The following ZFPM2 variants were observed in gnomAD, a reference collection of about 807,000 sequenced individuals.
ZFPM2 encodes zinc finger protein, FOG family member 2.
In ZFPM2, 20 loss-of-function variants were observed where a neutral mutation model predicts 98.6. The ratio of observed to expected loss-of-function variants is 0.20; its 90% CI spans 0.14 to 0.29. The LOEUF is 0.29. Ranked by LOEUF, ZFPM2 falls within the 10% of genes least tolerant of loss-of-function variation. The probability of loss-of-function intolerance (pLI) is 1.00; values close to 1 mark genes in which losing one functional copy is unlikely to be tolerated. For missense variants in ZFPM2, 1,310 were observed against 1,388.6 expected (o/e 0.94, Z 0.90); for synonymous variants, 518 against 502.7 (o/e 1.03, Z -0.41).
intron 1 of ZFPM2, among the ~76,000 whole-genome samples, chr8:105,404,589 C>A (rs1312603453): frequency 6.6e-6 from 1 of 152,052 alleles, no homozygotes; most frequent in Non-Finnish European, 1.5e-5. Context: ...CACTTCGAGT[C>A]ATGTTAAATA....
intron 4 of ZFPM2, among the ~76,000 whole-genome samples, chr8:105,624,258 A>C (rs1360315212): frequency 1.3e-5 from 2 of 152,210 alleles, no homozygotes; most frequent in Non-Finnish European, 2.9e-5. Flanking sequence ...GAGATTCAGC[A>C]CTGACACACT....
Position 105,318,461 on chromosome 8 carries a change from AGCG to A in ZFPM2, c.-468_-466del, listed in dbSNP as rs1191608535. ...GCAGAACAGGAGCTGCGCGGCCCGG[AGCG>A]GCGGCGGCGGCGCCGGAGTATCCGT... On this transcript the variant is annotated 5_prime_UTR_variant, in exon 1 of 8. Coordinates refer to ENST00000407775, the MANE Select transcript of ZFPM2 (RefSeq NM_012082.4). 6.7e-6 allele frequency among the ~76,000 whole-genome samples: 1 copy of A among 150,230 alleles called. No homozygotes were observed. Among genetic ancestry groups the A allele is most frequent in the Non-Finnish European group, 1.5e-5 (1 of 67,412 alleles).
intron 3 of ZFPM2, among the ~76,000 whole-genome samples, chr8:105,540,273 T>A (rs1814547612): frequency 6.6e-6 from 1 of 152,124 alleles, no homozygotes. Flanking sequence ...CAAGTAGTCT[T>A]CATGTTTATA....
intron 4 of ZFPM2, among the ~76,000 whole-genome samples, chr8:105,579,793 A>T (rs1815548658): frequency 6.6e-6 from 1 of 151,960 alleles, no homozygotes; most frequent in African/African-American, 2.4e-5. Flanking sequence ...CAAACTGATA[A>T]TTTTTTTTCA....
intron 2 of ZFPM2, among the ~76,000 whole-genome samples, chr8:105,425,287 G>T (rs1257117438): frequency 6.6e-6 from 1 of 152,148 alleles, no homozygotes; most frequent in Non-Finnish European, 1.5e-5. Context: ...GAGAAGAAAG[G>T]CCTGCAGAAA....
At chr8:105,756,232 A>T (rs1042271922) in intron 5 of ZFPM2, among the ~76,000 whole-genome samples, 1 of 151,896 alleles carries the variant, frequency 6.6e-6, no homozygotes, top group African/African-American at 2.4e-5. Flanking sequence ...ACAGGTAAAA[A>T]CCCTGTAGCC....
intron 3 of ZFPM2, among the ~76,000 whole-genome samples, chr8:105,477,526 A>G (rs928436124): frequency 3.3e-5 from 5 of 152,010 alleles, no homozygotes; most frequent in Non-Finnish European, 5.9e-5. Flanking sequence ...TACAGGTGTG[A>G]GCCACCGCGC....
intron 3 of ZFPM2, among the ~76,000 whole-genome samples, chr8:105,495,625 A>G (rs1246782204): frequency 6.6e-6 from 1 of 152,186 alleles, no homozygotes; most frequent in Non-Finnish European, 1.5e-5. Context: ...TTTTAAGGAT[A>G]TCTCTACTTC....
intron 3 of ZFPM2, among the ~76,000 whole-genome samples, chr8:105,453,275 C>G (rs1287152084): frequency 6.6e-6 from 1 of 152,036 alleles, no homozygotes; most frequent in East Asian, 1.9e-4. Flanking sequence ...TATGTTCTAC[C>G]AGAAATTGAA....
At chr8:105,757,746 T>C (rs1563551270) in intron 5 of ZFPM2, among the ~76,000 whole-genome samples, 2 of 152,252 alleles carry the variant, frequency 1.3e-5, no homozygotes, top group South Asian at 4.1e-4. Context: ...AGTGGGTTCT[T>C]TTTATTCTAC....
chr8:105,783,210 G>GTTTTTTTTTTTTTTTT (rs753557703), intron 5 of ZFPM2, among the ~76,000 whole-genome samples: 5 of 88,942 alleles, frequency 5.6e-5, no homozygotes, highest in Admixed American at 1.3e-4. Context: ...TTTCTTTATG[G>GTTTTTTTTTTTTTTTT]TTTTTTTTTT....
chr8:105,659,608 G>T (rs1817350395), intron 5 of ZFPM2, among the ~76,000 whole-genome samples: 1 of 152,110 alleles, frequency 6.6e-6, no homozygotes, highest in Non-Finnish European at 1.5e-5. Context: ...TTCTTGGAAA[G>T]GGCTATACAG....
intron 3 of ZFPM2, among the ~76,000 whole-genome samples, chr8:105,552,424 G>A (rs28416651): frequency 0.4 from 60,828 of 151,960 alleles, 12,150 homozygotes; most frequent in South Asian, 0.47. Flanking sequence ...GCTGTGACAC[G>A]GGATGTTGTC....
At chr8:105,564,178 C>T (rs950182661) in intron 4 of ZFPM2, among the ~76,000 whole-genome samples, 3 of 151,592 alleles carry the variant, frequency 2.0e-5, no homozygotes, top group Non-Finnish European at 4.4e-5. Flanking sequence ...TTTTAAAAGG[C>T]GTTAACTTAT....
rs568289882 is a variant in ZFPM2, at chr8:105,481,766, C to A, written c.301+37385C>A. ...TCCAGGTAAGAACCAGACAGCAACCCCTTTATTAGATTGACCTCTACTGAG... is the reference window on the plus strand; with the variant it reads ...TCCAGGTAAGAACCAGACAGCAACCACTTTATTAGATTGACCTCTACTGAG... On this transcript the variant is annotated intron_variant, in intron 3 of 7. Coordinates refer to ENST00000407775, the MANE Select transcript of ZFPM2 (RefSeq NM_012082.4). 2.4e-4 allele frequency among the ~76,000 whole-genome samples: 37 copies of A among 152,116 alleles called. 1 individual carries two copies. The South Asian group carries it at 7.5e-3, about 31-fold the overall frequency.
At chr8:105,526,825 G>A (rs1197521792) in intron 3 of ZFPM2, among the ~76,000 whole-genome samples, 2 of 152,138 alleles carry the variant, frequency 1.3e-5, no homozygotes, top group Non-Finnish European at 2.9e-5. Context: ...GAAATAAAAT[G>A]TTTGTAAATT....
At chr8:105,680,183 A>G (rs1021691135) in intron 5 of ZFPM2, among the ~76,000 whole-genome samples, 1 of 152,166 alleles carries the variant, frequency 6.6e-6, no homozygotes, top group African/African-American at 2.4e-5. Flanking sequence ...CTTGAATACT[A>G]CATTGTCTGT....
At chr8:105,601,668 G>A (rs553246225) in intron 4 of ZFPM2, among the ~76,000 whole-genome samples, 38 of 151,970 alleles carry the variant, frequency 2.5e-4, no homozygotes, top group Middle Eastern at 3.2e-3. Flanking sequence ...AAGATGTTGG[G>A]ACTAATAGGA....
chr8:105,527,399 C>G (rs1209255157), intron 3 of ZFPM2, among the ~76,000 whole-genome samples: 1 of 152,178 alleles, frequency 6.6e-6, no homozygotes, highest in Non-Finnish European at 1.5e-5. Context: ...GCAAAGTTCT[C>G]TTGTTTTTTC....
Sources: gnomAD v4.1 joint callset for allele counts (sites outside exome capture counted in the v4.1 genomes callset) on GRCh38, gnomAD v4.1.1 for gene constraint, MANE v1.5 for transcripts, NCBI Gene and HGNC (gene_info 2026-07-23, HGNC 2026-07-21) for gene names.